Variants in SUPV3L1 observed in about 807,000 individuals in gnomAD.
SUPV3L1 encodes ATP-dependent RNA helicase SUPV3L1, mitochondrial.
SUPV3L1 carries 35 observed loss-of-function variants against 70.0 expected under a neutral mutation model. The ratio of observed to expected loss-of-function variants is 0.50; its 90% CI spans 0.38 to 0.66. The LOEUF (loss-of-function observed/expected upper bound fraction) is 0.66, where lower values mean the gene tolerates loss of function less well. SUPV3L1 is among the 30% of genes least tolerant of loss of function. The probability of loss-of-function intolerance (pLI) is 0.00; values close to 1 mark genes in which losing one functional copy is unlikely to be tolerated. For synonymous variants in SUPV3L1, 364 were observed against 341.9 expected (o/e 1.06, Z -0.71); for missense variants, 777 against 961.5 (o/e 0.81, Z 2.54).
In SUPV3L1 at chr10:69,207,858, G is replaced by A; in HGVS notation, c.1842G>A (p.Trp614Ter). The A allele has an allele frequency of 6.2e-7, 1 of 1,614,126 alleles. No homozygotes were observed. Among genetic ancestry groups the A allele is most frequent in the Non-Finnish European group, 8.5e-7 (1 of 1,180,022 alleles). ...CATGGTTACGCCGATACATCAAATGGCCTTTACTTCCACCTAAGAATATTA... is the reference window on the plus strand; with the variant it reads ...CATGGTTACGCCGATACATCAAATGACCTTTACTTCCACCTAAGAATATTA... Reference protein sequence around the residue: ...TFAWLRRYIKWPLLPPKNIKD... With the variant: ...TFAWLRRYIK The change falls in exon 14 of 15, where the codon TGG becomes TGA. Residue 614 changes from tryptophan (W) to a stop codon, truncating the protein, a stop_gained. Transcript: ENST00000359655. LOFTEE classifies it high-confidence loss of function.
At chr10:69,185,961 G>A (rs1032951244) in intron 1 of SUPV3L1, 26 bp from the exon 2 acceptor site, 3 of 1,563,588 alleles carry the variant, frequency 1.9e-6, no homozygotes, top group East Asian at 2.2e-5. Flanking sequence ...ATAAGGAAAC[G>A]TTAAATTTTG....
At chr10:69,193,248 A>G (rs1202100556) in intron 6 of SUPV3L1, 1 of 113,784 alleles carries the variant, frequency 8.8e-6, no homozygotes, top group Non-Finnish European at 2.3e-5. Flanking sequence ...GGGTGTGTAT[A>G]TTAAACAAAT....
intron 11 of SUPV3L1, 22 bp from the exon 12 acceptor site, chr10:69,202,417 T>C: frequency 6.3e-7 from 1 of 1,594,146 alleles, no homozygotes; most frequent in East Asian, 2.2e-5. Context: ...CAGCTTATGA[T>C]TGTTTTTTCT....
rs1842728745 is a variant in SUPV3L1 at position 69,203,149 on chromosome 10, T to C, written c.1776+106T>C. The C allele has an allele frequency of 3.2e-6, 4 of 1,248,966 alleles. No homozygotes were observed. In the South Asian group the frequency reaches 5.1e-5, roughly 16 times the overall value. The allele number at this position is 1,248,966 out of a possible 1,614,324, so 77.4% of individuals were successfully genotyped here. A position where few individuals can be genotyped will look rare whatever the true frequency, so the allele number is the denominator to read the frequency against. ...AAATAATTACAAGAGTATTCAGTAATATGAGAGACTTTGTAAAAACTTAAA... is the reference window on the plus strand; with the variant it reads ...AAATAATTACAAGAGTATTCAGTAACATGAGAGACTTTGTAAAAACTTAAA... On this transcript the variant is annotated intron_variant, in intron 13 of 14. Coordinates refer to ENST00000359655, the MANE Select transcript of SUPV3L1 (RefSeq NM_003171.5).
chr10:69,196,811 A>C (rs1842555012), intron 7 of SUPV3L1, among the ~76,000 whole-genome samples, 181 bp from the exon 8 acceptor site: 1 of 152,222 alleles, frequency 6.6e-6, no homozygotes, highest in Non-Finnish European at 1.5e-5. Context: ...AAATTGGATA[A>C]TCTTTGCCCA....
At chr10:69,204,691 CTG>C (rs1398337811) in intron 13 of SUPV3L1, among the ~76,000 whole-genome samples, 1 of 152,106 alleles carries the variant, frequency 6.6e-6, no homozygotes, top group African/African-American at 2.4e-5. Flanking sequence ...TCTTTGCAGA[CTG>C]TTTTTCATTG....
At chr10:69,187,505 A>C in intron 3 of SUPV3L1, 137 bp from the exon 4 acceptor site, 1 of 577,922 alleles carries the variant, frequency 1.7e-6, no homozygotes, top group Non-Finnish European at 3.0e-6. Context: ...GACGTGAGCT[A>C]CTGTGCCCAG....
chr10:69,191,146 G>A lies in SUPV3L1; in HGVS notation c.742-509G>A, dbSNP rs1842381099. Among the ~76,000 whole-genome samples the A allele has an allele frequency of 2.0e-5, 3 of 152,116 alleles. No homozygotes were observed. In the South Asian group the frequency reaches 6.2e-4, roughly 32 times the overall value. Reference sequence around the variant, plus strand: ...TGTTACCTGAGGATTTAGCTGATTTGAGATGTTTCCAGGTTTACCCAAGTT... The same window carrying A: ...TGTTACCTGAGGATTTAGCTGATTTAAGATGTTTCCAGGTTTACCCAAGTT... On this transcript the variant is annotated intron_variant, in intron 5 of 14. Transcript: ENST00000359655.
intron 13 of SUPV3L1, among the ~76,000 whole-genome samples, chr10:69,206,057 T>C (rs914175561): frequency 3.9e-5 from 6 of 152,106 alleles, no homozygotes; most frequent in African/African-American, 1.4e-4. Flanking sequence ...CATCTCTCCC[T>C]GCTCTCTCTG....
intron 13 of SUPV3L1, among the ~76,000 whole-genome samples, chr10:69,204,666 G>A (rs907927834): frequency 6.6e-6 from 1 of 152,184 alleles, no homozygotes; most frequent in Non-Finnish European, 1.5e-5. Context: ...AACTACTTGT[G>A]TAAGTTTGTG....
At chr10:69,190,140 C>G (rs1842354635) in intron 5 of SUPV3L1, among the ~76,000 whole-genome samples, 1 of 152,140 alleles carries the variant, frequency 6.6e-6, no homozygotes, top group African/African-American at 2.4e-5. Flanking sequence ...GCTTCACTTA[C>G]TTTTTTAAGA....
rs547017789 is a variant in SUPV3L1 at position 69,202,608 on chromosome 10, C to T, written c.1599+89C>T. 75 of 1,305,094 alleles carry T rather than the reference C, an allele frequency of 5.7e-5. 1 individual carries two copies. In the East Asian group the frequency reaches 1.4e-3, roughly 24 times the overall value. The allele number at this position is 1,305,094 out of a possible 1,614,324, so 80.8% of individuals were successfully genotyped here. On this transcript the variant is annotated intron_variant, in intron 12 of 14. Coordinates refer to ENST00000359655, the MANE Select transcript of SUPV3L1 (RefSeq NM_003171.5). ...AACCTCATGAGCATGAATGGATAGT[C>T]TGCCTTTGAGAAGTTGCTATTTATA...
intron 6 of SUPV3L1, chr10:69,192,186 A>G (rs1842416457): frequency 6.5e-6 from 1 of 154,444 alleles, no homozygotes; most frequent in African/African-American, 2.4e-5. Context: ...TAAAATCTAG[A>G]AAAAGAAGAG....
intron 7 of SUPV3L1, among the ~76,000 whole-genome samples, chr10:69,195,532 G>A (rs1327042006): frequency 6.6e-6 from 1 of 152,078 alleles, no homozygotes; most frequent in African/African-American, 2.4e-5. Flanking sequence ...TTATGTTTTG[G>A]TGTGTTTCAT....
At position 69,187,754 on chromosome 10, in the gene SUPV3L1, C is replaced by G; in HGVS notation, c.570C>G (p.Asn190Lys). 1.9e-6 allele frequency: 3 copies of G among 1,581,026 alleles called. No individual in the cohort carries two copies. The highest frequency in any genetic ancestry group is 2.6e-6 in the Non-Finnish European group (3 of 1,159,758). The change falls in exon 4 of 15, where the codon AAC (asparagine) becomes AAG (lysine). Residue 190 changes from asparagine to lysine, a missense_variant and splice_region_variant. Around this residue, in one of 2 missense-constraint regions of SUPV3L1, gnomAD observed 619 missense variants for 823.3 expected, o/e 0.75. Coordinates refer to ENST00000359655, the MANE Select transcript of SUPV3L1 (RefSeq NM_003171.5). ...RKISDLRIPPNWYPDARAMQR... is the reference protein window; with the variant it reads ...RKISDLRIPPKWYPDARAMQR... ...TCAGTGACTTAAGAATACCACCTAA[C>G]TGGTTAGTTTCTCCATTTGTGGATT...
chr10:69,208,594 T>C lies in SUPV3L1; in HGVS notation c.1926-6T>C. 1.2e-6 allele frequency: 2 copies of C among 1,608,592 alleles called. No individual in the cohort carries two copies. The highest frequency in any genetic ancestry group is 1.7e-6 in the Non-Finnish European group (2 of 1,175,960). On this transcript the variant is annotated splice_region_variant and splice_polypyrimidine_tract_variant and intron_variant, in intron 14 of 14. Coordinates refer to ENST00000359655, the MANE Select transcript of SUPV3L1 (RefSeq NM_003171.5). ...TTGCTATAATGCTAATGTGTCTTTT[T>C]CCCAGCTACCGATTTATGGATATGT...
At chr10:69,202,401 A>G (rs771677714) in intron 11 of SUPV3L1, 38 bp from the exon 12 acceptor site, 1 of 1,577,852 alleles carries the variant, frequency 6.3e-7, no homozygotes, top group Admixed American at 1.9e-5. Flanking sequence ...TTGAAAAAAA[A>G]AAAATCAGCT....
chr10:69,195,620 AT>A (rs1376012087), intron 7 of SUPV3L1, among the ~76,000 whole-genome samples: 1 of 151,950 alleles, frequency 6.6e-6, no homozygotes, highest in African/African-American at 2.4e-5. Flanking sequence ...TTCATGTGAC[AT>A]TTTTCATTAT....
At chr10:69,197,742 T>A (rs1230891251) in intron 8 of SUPV3L1, among the ~76,000 whole-genome samples, 1 of 152,132 alleles carries the variant, frequency 6.6e-6, no homozygotes, top group Non-Finnish European at 1.5e-5. Flanking sequence ...TCTAATTTTT[T>A]ATTTTTTGAG....
Sources: allele counts gnomAD v4.1 joint callset (sites outside exome capture counted in the v4.1 genomes callset), GRCh38; gene constraint gnomAD v4.1.1; regional missense constraint gnomAD v4.1.1; transcripts MANE v1.5; gene names NCBI Gene and HGNC (gene_info 2026-07-23, HGNC 2026-07-21).